Variants in XYLT1 observed in about 807,000 individuals in gnomAD.
The protein encoded by XYLT1 is beta-D-xylosyltransferase 1.
In XYLT1, 36 loss-of-function variants were observed where a neutral mutation model predicts 91.3. The observed-to-expected ratio is 0.39, with a 90% confidence interval of 0.30 to 0.52. The LOEUF is 0.52. XYLT1 is among the 20% of genes least tolerant of loss of function. XYLT1 has a pLI of 0.68. For synonymous variants in XYLT1, 588 were observed against 532.0 expected (o/e 1.11, Z -1.45); for missense variants, 1,242 against 1,284.5 (o/e 0.97, Z 0.51).
At position 17,141,513 on chromosome 16, in the gene XYLT1, C is replaced by T. The variant is rs184798516; in HGVS notation, c.1371-144G>A. ...TGCCAGGTACTGCTCCAGGGCTCTG[C>T]GTGGAGTTTATCACTTGATCCCCAC... On this transcript the variant is annotated intron_variant, in intron 6 of 11. Coordinates refer to ENST00000261381, the MANE Select transcript of XYLT1 (RefSeq NM_022166.4). 166 of 782,502 alleles carry T rather than the reference C, an allele frequency of 2.1e-4. No individual in the cohort carries two copies. In the African/African-American group the frequency reaches 2.3e-3, roughly 11 times the overall value. The allele number at this position is 782,502 out of a possible 1,614,324, so 48.5% of individuals were successfully genotyped here.
At chr16:17,461,304 T>C (rs2036818607) in intron 1 of XYLT1, among the ~76,000 whole-genome samples, 1 of 152,182 alleles carries the variant, frequency 6.6e-6, no homozygotes, top group Non-Finnish European at 1.5e-5. Context: ...CCTTGTGTGT[T>C]CAAGAGGTCA....
At chr16:17,267,679 G>C (rs2033827064) in intron 2 of XYLT1, among the ~76,000 whole-genome samples, 1 of 152,208 alleles carries the variant, frequency 6.6e-6, no homozygotes, top group Non-Finnish European at 1.5e-5. Context: ...AAAGTGCTGG[G>C]ATTACAGGCG....
Position 17,200,586 on chromosome 16 carries a change from T to G in XYLT1, c.982A>C (p.Ile328Leu). 6.2e-7 allele frequency: 1 copy of G among 1,614,088 alleles called. No homozygotes were observed. The highest frequency in any genetic ancestry group is 8.5e-7 in the Non-Finnish European group (1 of 1,179,976). The part of the protein sequence containing the change: ...VEYMPANPVR[I>L]AFVLVVHGRA... ...CCGTGGACCACCAGGACAAAGGCGA[T>G]TCTGACCGGGTTGGCTGGCATGTAC... The change falls in exon 4 of 12, where the codon ATC (isoleucine) becomes CTC (leucine). Residue 328 changes from isoleucine to leucine, a missense_variant. Ile to Leu is a conservative substitution (Grantham distance 5, BLOSUM62 2). Transcript: ENST00000261381.
At chr16:17,253,861 A>AGAGAGAGAGAGAGAGAGC (rs2033587092) in intron 3 of XYLT1, among the ~76,000 whole-genome samples, 1 of 145,022 alleles carries the variant, frequency 6.9e-6, no homozygotes, top group Admixed American at 6.8e-5. Flanking sequence ...AGAGAGAGAG[A>AGAGAGAGAGAGAGAGAGC]GCGAGCCTGC....
At chr16:17,274,068 T>C (rs926663399) in intron 2 of XYLT1, among the ~76,000 whole-genome samples, 1 of 151,720 alleles carries the variant, frequency 6.6e-6, no homozygotes, top group Non-Finnish European at 1.5e-5. Context: ...CACGTCACCA[T>C]GCCTGGCTAA....
chr16:17,116,276 C>T (rs773027900), intron 11 of XYLT1, among the ~76,000 whole-genome samples: 1 of 152,194 alleles, frequency 6.6e-6, no homozygotes, highest in Non-Finnish European at 1.5e-5. Context: ...TAGGAACTGA[C>T]ATCCCAGTCC....
intron 1 of XYLT1, among the ~76,000 whole-genome samples, chr16:17,468,930 T>C (rs111829515): frequency 0.014 from 2,156 of 152,022 alleles, 65 homozygotes; most frequent in African/African-American, 0.048. Flanking sequence ...CACTATCAAC[T>C]CCAAGAGTTC....
intron 1 of XYLT1, among the ~76,000 whole-genome samples, chr16:17,398,716 G>A (rs1270249028): frequency 1.3e-5 from 2 of 151,646 alleles, no homozygotes; most frequent in African/African-American, 4.8e-5. Context: ...GGTCTGCTGG[G>A]AATCTTGAAT....
chr16:17,420,178 AGT>A (rs537996344), intron 1 of XYLT1, among the ~76,000 whole-genome samples: 23 of 152,364 alleles, frequency 1.5e-4, no homozygotes, highest in African/African-American at 5.5e-4. Flanking sequence ...ATAAGCCACA[AGT>A]GCCCAAATTA....
chr16:17,263,677 T>A (rs2033757612), intron 2 of XYLT1, among the ~76,000 whole-genome samples: 1 of 152,002 alleles, frequency 6.6e-6, no homozygotes, highest in Non-Finnish European at 1.5e-5. Flanking sequence ...TGCGGCGTTC[T>A]CTCTGGCTTC....
At chr16:17,286,473 G>A (rs1440610346) in intron 2 of XYLT1, among the ~76,000 whole-genome samples, 1 of 152,142 alleles carries the variant, frequency 6.6e-6, no homozygotes, top group African/African-American at 2.4e-5. Flanking sequence ...AAGTATCCAC[G>A]GATCTGCACT....
At chr16:17,435,068 A>C (rs972016492) in intron 1 of XYLT1, among the ~76,000 whole-genome samples, 1 of 152,206 alleles carries the variant, frequency 6.6e-6, no homozygotes, top group Non-Finnish European at 1.5e-5. Flanking sequence ...TGGACAGGCC[A>C]CTTACTTCCC....
intron 2 of XYLT1, among the ~76,000 whole-genome samples, chr16:17,346,283 G>A (rs953867992): frequency 6.6e-6 from 1 of 152,176 alleles, no homozygotes; most frequent in Non-Finnish European, 1.5e-5. Flanking sequence ...GGTCCAGACT[G>A]CCCTTGTCCA....
intron 2 of XYLT1, among the ~76,000 whole-genome samples, chr16:17,357,143 C>G (rs1282922272): frequency 1.4e-5 from 2 of 142,460 alleles, no homozygotes; most frequent in Non-Finnish European, 3.0e-5. Context: ...TGCCACTGCA[C>G]TCCAGCCTGG....
At chr16:17,109,226 C>T (rs558755151) in intron 11 of XYLT1, among the ~76,000 whole-genome samples, 5 of 152,174 alleles carry the variant, frequency 3.3e-5, no homozygotes, top group Admixed American at 6.5e-5. Context: ...GTACAGGGCA[C>T]GGTGCATGCC....
intron 1 of XYLT1, among the ~76,000 whole-genome samples, chr16:17,443,529 C>G (rs1325694420): frequency 6.6e-6 from 1 of 152,198 alleles, no homozygotes; most frequent in African/African-American, 2.4e-5. Context: ...TGCCTTCCAC[C>G]ATGATTGTAA....
intron 3 of XYLT1, among the ~76,000 whole-genome samples, chr16:17,241,237 C>G (rs1187892213): frequency 1.3e-5 from 2 of 152,242 alleles, no homozygotes; most frequent in South Asian, 4.1e-4. Context: ...CCTAATGGTG[C>G]AGTTCCTGTG....
chr16:17,350,789 G>A (rs962546320), intron 2 of XYLT1, among the ~76,000 whole-genome samples: 2 of 152,204 alleles, frequency 1.3e-5, no homozygotes, highest in African/African-American at 4.8e-5. Flanking sequence ...TGGAGGAAAA[G>A]GTTAATCGAA....
chr16:17,430,967 G>A (rs543435220), intron 1 of XYLT1, among the ~76,000 whole-genome samples: 1 of 152,238 alleles, frequency 6.6e-6, no homozygotes, highest in East Asian at 1.9e-4. Flanking sequence ...AATGAGAAAA[G>A]CTAAACATGA....
Sources: gnomAD v4.1 joint callset for allele counts (sites outside exome capture counted in the v4.1 genomes callset) on GRCh38, gnomAD v4.1.1 for gene constraint, MANE v1.5 for transcripts, NCBI Gene and HGNC (gene_info 2026-07-23, HGNC 2026-07-21) for gene names.